The following GRIN2B variants were observed in gnomAD, a reference collection of about 807,000 sequenced individuals.
GRIN2B encodes the protein glutamate ionotropic receptor NMDA type subunit 2B, also known as glutamate receptor ionotropic, NMDA 2B.
In GRIN2B, 5 loss-of-function variants were observed where a neutral mutation model predicts 114.5. The observed-to-expected ratio is 0.04, with a 90% CI of 0.02 to 0.09. The LOEUF (loss-of-function observed/expected upper bound fraction) is 0.09, where lower values mean the gene tolerates loss of function less well. GRIN2B is among the 10% of genes least tolerant of loss of function. The pLI, the probability that GRIN2B is intolerant of heterozygous loss-of-function variation, is 1.00. For synonymous variants in GRIN2B, 787 were observed against 745.1 expected (o/e 1.06, Z -0.92); for missense variants, 1,108 against 1,943.5 (o/e 0.57, Z 8.08).
intron 4 of GRIN2B, among the ~76,000 whole-genome samples, chr12:13,680,495 T>G (rs952073123): frequency 6.7e-6 from 1 of 150,308 alleles, no homozygotes; most frequent in Admixed American, 6.7e-5. Flanking sequence ...TATTTTAAAT[T>G]GCTTGATTTG....
intron 10 of GRIN2B, among the ~76,000 whole-genome samples, chr12:13,576,347 G>T (rs1948776217): frequency 6.7e-6 from 1 of 150,204 alleles, no homozygotes; most frequent in African/African-American, 2.5e-5. Flanking sequence ...AGCCTGAGTG[G>T]CAATTTGGGA....
chr12:13,565,939 G>A (rs1204724497), intron 13 of GRIN2B, among the ~76,000 whole-genome samples: 1 of 152,102 alleles, frequency 6.6e-6, no homozygotes, highest in Non-Finnish European at 1.5e-5. Flanking sequence ...CTCTATAGAG[G>A]CATTGATCAT....
chr12:13,818,614 G>A (rs555330118), intron 3 of GRIN2B, among the ~76,000 whole-genome samples: 3 of 152,284 alleles, frequency 2.0e-5, no homozygotes, highest in African/African-American at 7.2e-5. Context: ...CAAAGTCCAG[G>A]AATGCTGCTT....
At chr12:13,831,720 G>A (rs1031258776) in intron 3 of GRIN2B, among the ~76,000 whole-genome samples, 1 of 152,200 alleles carries the variant, frequency 6.6e-6, no homozygotes. Flanking sequence ...TCTGCACCAG[G>A]CCAGACCTGG....
intron 3 of GRIN2B, among the ~76,000 whole-genome samples, chr12:13,778,021 G>A (rs1391300473): frequency 6.6e-6 from 1 of 152,174 alleles, no homozygotes; most frequent in Non-Finnish European, 1.5e-5. Context: ...AAATCTACCT[G>A]TTGCATCCAT....
chr12:13,541,610 G>A lies in GRIN2B; in HGVS notation c.*21173C>T, dbSNP rs532523209. ...CTGTGATACCTTAAGAACTCAAGAT[G>A]TGGCGTTAGATGAGCCAAGATGAAC... On this transcript the variant is annotated 3_prime_UTR_variant, in exon 14 of 14. Transcript: ENST00000609686. The A allele has an allele frequency of 6.6e-6, 1 of 152,336 alleles. No homozygotes were observed. Among genetic ancestry groups the A allele is most frequent in the Non-Finnish European group, 1.5e-5 (1 of 68,042 alleles). The allele number at this position is 152,336 out of a possible 1,614,324, so 9.4% of individuals were successfully genotyped here. A position where few individuals can be genotyped will look rare whatever the true frequency, so the allele number is the denominator to read the frequency against.
intron 4 of GRIN2B, among the ~76,000 whole-genome samples, chr12:13,681,770 T>A (rs541774727): frequency 6.6e-6 from 1 of 152,200 alleles, no homozygotes; most frequent in East Asian, 1.9e-4. Context: ...AAAAGATTAC[T>A]CTAGTGAAGC....
intron 2 of GRIN2B, among the ~76,000 whole-genome samples, chr12:13,900,725 C>T (rs1385522039): frequency 6.6e-6 from 1 of 152,116 alleles, no homozygotes; most frequent in East Asian, 1.9e-4. Flanking sequence ...CATCCCTAAA[C>T]AGTATGTTCA....
intron 2 of GRIN2B, among the ~76,000 whole-genome samples, chr12:13,973,628 G>A (rs1189281383): frequency 6.6e-6 from 1 of 152,106 alleles, no homozygotes; most frequent in African/African-American, 2.4e-5. Flanking sequence ...TGCCTCTCAA[G>A]TCCCCTTGGA....
chr12:13,754,921 A>G (rs1256373333), intron 3 of GRIN2B, among the ~76,000 whole-genome samples: 1 of 152,178 alleles, frequency 6.6e-6, no homozygotes, highest in Admixed American at 6.5e-5. Flanking sequence ...GTTCTGAGAT[A>G]TCAAGTCCTG....
At chr12:13,908,346 G>A (rs1362312007) in intron 2 of GRIN2B, among the ~76,000 whole-genome samples, 1 of 152,082 alleles carries the variant, frequency 6.6e-6, no homozygotes, top group Non-Finnish European at 1.5e-5. Flanking sequence ...GTTAATAGTT[G>A]CCAGCATTAT....
intron 3 of GRIN2B, among the ~76,000 whole-genome samples, chr12:13,831,631 GAAGAAA>G (rs1298151235): frequency 1.4e-4 from 22 of 152,232 alleles, no homozygotes; most frequent in African/African-American, 5.3e-4. Context: ...GACAGTAGAA[GAAGAAA>G]AAGAGGCTCA....
At chr12:13,587,959 G>A (rs1480366039) in intron 10 of GRIN2B, among the ~76,000 whole-genome samples, 1 of 152,106 alleles carries the variant, frequency 6.6e-6, no homozygotes, top group Non-Finnish European at 1.5e-5. Context: ...CAAAAACCGC[G>A]ATTACTTTTG....
At chr12:13,611,289 G>A (rs1331972349) in intron 9 of GRIN2B, among the ~76,000 whole-genome samples, 3 of 152,154 alleles carry the variant, frequency 2.0e-5, no homozygotes, top group Non-Finnish European at 4.4e-5. Flanking sequence ...CTTTGGCACT[G>A]GGGAACTCAA....
intron 3 of GRIN2B, among the ~76,000 whole-genome samples, chr12:13,810,178 AGT>A (rs1252429416): frequency 2.0e-5 from 3 of 150,382 alleles, no homozygotes; most frequent in African/African-American, 7.4e-5. Context: ...ATTCTCTTAC[AGT>A]ACTTACTTTC....
At chr12:13,855,365 A>C (rs1227285480) in intron 3 of GRIN2B, among the ~76,000 whole-genome samples, 1 of 152,200 alleles carries the variant, frequency 6.6e-6, no homozygotes, top group Non-Finnish European at 1.5e-5. Context: ...TGGTGATAGA[A>C]CCAGGAAACA....
At position 13,666,302 on chromosome 12, in the gene GRIN2B, C is replaced by T. The variant is rs17833585; in HGVS notation, c.1125+9443G>A. ...TAGCTGACAGAACTAAGACCTGGAA[C>T]GCCTGTAAAACCAGCAATGGGCCAC... On this transcript the variant is annotated intron_variant, in intron 5 of 13. Transcript: ENST00000609686. Among the ~76,000 whole-genome samples the T allele has an allele frequency of 9.5e-3, 1,450 of 152,226 alleles. 16 individuals carry two copies. Among genetic ancestry groups the T allele is most frequent in the Non-Finnish European group, 0.014 (965 of 68,014 alleles).
At chr12:13,868,995 TAA>T (rs1325581867) in intron 2 of GRIN2B, among the ~76,000 whole-genome samples, 1 of 152,162 alleles carries the variant, frequency 6.6e-6, no homozygotes, top group African/African-American at 2.4e-5. Context: ...ACAGAGACCA[TAA>T]GTCTTGATGC....
At chr12:13,577,726 A>G (rs931983751) in intron 10 of GRIN2B, among the ~76,000 whole-genome samples, 1 of 152,250 alleles carries the variant, frequency 6.6e-6, no homozygotes, top group Non-Finnish European at 1.5e-5. Context: ...TGATAATTAA[A>G]ATACATCCAT....
Sources: allele counts gnomAD v4.1 joint callset (sites outside exome capture counted in the v4.1 genomes callset), GRCh38; gene constraint gnomAD v4.1.1; transcripts MANE v1.5; gene names NCBI Gene and HGNC (gene_info 2026-07-23, HGNC 2026-07-21).